Variants in CPA1 observed in about 807,000 individuals in gnomAD.
The protein encoded by CPA1 is carboxypeptidase A1, also known as carboxypeptidase A1 (pancreatic).
A neutral mutation model predicts 48.7 loss-of-function variants in CPA1; 42 were observed. That is an observed-to-expected ratio of 0.86 (90% CI 0.67 to 1.11). CPA1 has a LOEUF of 1.11. Ranked by LOEUF, CPA1 falls within the 50% of genes most tolerant of loss-of-function variation. CPA1 has a pLI of 0.00. For missense variants in CPA1, 477 were observed against 544.7 expected, an observed-to-expected ratio of 0.88 and a Z score of 1.24; for synonymous variants, 203 against 217.9, an observed-to-expected ratio of 0.93 and a Z score of 0.60.
intron 4 of CPA1, among the ~76,000 whole-genome samples, chr7:130,383,005 T>G (rs1375739734): frequency 2.0e-5 from 3 of 151,960 alleles, no homozygotes; most frequent in African/African-American, 7.3e-5. Context: ...GGTCTCAAAC[T>G]CCTGGGCTCA....
chr7:130,388,028 C>G lies in CPA1; in HGVS notation c.*17C>G, dbSNP rs552533046. On this transcript the variant is annotated 3_prime_UTR_variant, in exon 10 of 10. Coordinates refer to ENST00000011292, the MANE Select transcript of CPA1 (RefSeq NM_001868.4). ...CCCTACTGAGCTGACCCTTTGACACCCTTCTTGTCCTCCTCTCTGGCCCCA... is the reference window on the plus strand; with the variant it reads ...CCCTACTGAGCTGACCCTTTGACACGCTTCTTGTCCTCCTCTCTGGCCCCA... The G allele has an allele frequency of 6.2e-7, 1 of 1,612,592 alleles. No homozygotes were observed. The highest frequency in any genetic ancestry group is 1.1e-5 in the South Asian group (1 of 91,010).
At chr7:130,384,330 C>T (rs562662361) in intron 6 of CPA1, 1 of 589,780 alleles carries the variant, frequency 1.7e-6, no homozygotes, top group Non-Finnish European at 3.0e-6. Flanking sequence ...ATCTTCCTCC[C>T]CGACAACCAG....
intron 2 of CPA1, 31 bp from the exon 3 acceptor site, chr7:130,381,599 C>G: frequency 6.3e-7 from 1 of 1,574,950 alleles, no homozygotes; most frequent in Non-Finnish European, 8.7e-7. Context: ...CCCCAGCCCG[C>G]TGTGACCGTG....
In CPA1 at chr7:130,387,783, A is replaced by C. The variant is rs781996113; in HGVS notation, c.1073-41A>C. 1 of 1,584,460 alleles carries C rather than the reference A, an allele frequency of 6.3e-7. No homozygotes were observed. Among genetic ancestry groups the C allele is most frequent in the Admixed American group, 1.7e-5 (1 of 58,722 alleles). Reference sequence around the variant, plus strand: ...AACCCAACCCGTGTAAATATTCCCAAAGTGATTGACCCTTTCTCTCCTATT... The same window carrying C: ...AACCCAACCCGTGTAAATATTCCCACAGTGATTGACCCTTTCTCTCCTATT... On this transcript the variant is annotated intron_variant, in intron 9 of 9. Transcript: ENST00000011292. The surrounding 1 kb of genome is among the most constrained non-coding windows in gnomAD (Gnocchi z 4.6).
In CPA1 at chr7:130,382,205, T is replaced by G. The variant is rs1282393219; in HGVS notation, c.479T>G (p.Leu160Arg). Reference sequence around the variant, plus strand: ...TATGAAGGGCGTCCCATTTACGTGCTGAAGGTAACATCCACATGTGGACAT... The same window carrying G: ...TATGAAGGGCGTCCCATTTACGTGCGGAAGGTAACATCCACATGTGGACAT... Reference protein sequence around the residue: ...NTYEGRPIYVLKFSTGGSKRP... With the variant: ...NTYEGRPIYVRKFSTGGSKRP... Residue 160 changes from leucine to arginine, a missense_variant, in exon 4 of 10, where the codon CTG becomes CGG. By Grantham distance (102) the Leu-to-Arg change is moderately radical (BLOSUM62 -2). Coordinates refer to ENST00000011292, the MANE Select transcript of CPA1 (RefSeq NM_001868.4). 3 of 1,613,092 alleles carry G rather than the reference T, an allele frequency of 1.9e-6. No individual in the cohort carries two copies. The highest frequency in any genetic ancestry group is 2.5e-6 in the Non-Finnish European group (3 of 1,179,170).
chr7:130,385,064 C>T lies in CPA1; in HGVS notation c.788-82C>T. On this transcript the variant is annotated intron_variant, in intron 7 of 9. Coordinates refer to ENST00000011292, the MANE Select transcript of CPA1 (RefSeq NM_001868.4). Reference sequence around the variant, plus strand: ...GTGAGCCCTTCCATACCACCTCACCCCCAACTCCATGCAAAGAACTGGATT... The same window carrying T: ...GTGAGCCCTTCCATACCACCTCACCTCCAACTCCATGCAAAGAACTGGATT... 2.1e-6 allele frequency: 3 copies of T among 1,419,262 alleles called. No homozygotes were observed. The South Asian group carries it at 3.5e-5, about 17-fold the overall frequency. The allele number at this position is 1,419,262 out of a possible 1,614,324, so 87.9% of individuals were successfully genotyped here.
Position 130,383,690 on chromosome 7 carries a change from C to G in CPA1, c.592C>G (p.Gln198Glu), listed in dbSNP as rs1796435985. Residue 198 changes from glutamine (Q) to glutamate (E), a missense_variant, in exon 6 of 10, where the codon CAA becomes GAA. Coordinates refer to ENST00000011292, the MANE Select transcript of CPA1 (RefSeq NM_001868.4). ...SGVWFAKKIT[Q>E]DYGQDAAFTA... ...TGCTCCTCTAACCCCCCAGATCACT[C>G]AAGACTACGGGCAGGATGCAGCTTT... 2 of 1,613,254 alleles carry G rather than the reference C, an allele frequency of 1.2e-6. No homozygotes were observed. Among genetic ancestry groups the G allele is most frequent in the South Asian group, 1.1e-5 (1 of 91,062 alleles).
intron 4 of CPA1, 103 bp from the exon 5 acceptor site, chr7:130,383,288 G>C (rs962503514): frequency 2.9e-5 from 24 of 834,944 alleles, no homozygotes; most frequent in Non-Finnish European, 4.9e-5. Flanking sequence ...GAGATACACA[G>C]AGAGCAGGTG....
chr7:130,387,830 C>G lies in CPA1; in HGVS notation c.1079C>G (p.Ala360Gly). 1 of 1,613,770 alleles carries G rather than the reference C, an allele frequency of 6.2e-7. No homozygotes were observed. The highest frequency in any genetic ancestry group is 1.1e-5 in the South Asian group (1 of 91,048). ...YGSIIKAIYQ[A>G]SGSTIDWTYS... is the part of the protein sequence containing the mutation. ...TATTTTACTCCTGCCCCAGATCAAG[C>G]CAGTGGAAGCACTATTGACTGGACC... is the stretch of plus-strand genomic sequence containing the variant. The change falls in exon 10 of 10, where the codon GCC (alanine) becomes GGC (glycine). Residue 360 changes from alanine to glycine, a missense_variant. Transcript: ENST00000011292. This position sits in a 1 kb window ranked among gnomAD's most constrained non-coding sequence, Gnocchi z 4.6.
intron 7 of CPA1, 49 bp from the exon 8 acceptor site, chr7:130,385,097 C>G (rs782056759): frequency 1.3e-6 from 2 of 1,577,156 alleles, no homozygotes; most frequent in Admixed American, 1.7e-5. Flanking sequence ...ATTCCAGAAG[C>G]CACAGAAGCT....
chr7:130,381,948 C>T (rs1219290253), intron 3 of CPA1, 85 bp downstream of exon 3: 3 of 1,348,604 alleles, frequency 2.2e-6, no homozygotes, highest in East Asian at 2.4e-5. Context: ...AGGCCAGGGC[C>T]AGCCTGGGTG....
In CPA1 at chr7:130,387,047, G is replaced by A. The variant is rs565092660; in HGVS notation, c.1073-777G>A. Among the ~76,000 whole-genome samples the A allele has an allele frequency of 2.6e-5, 4 of 152,332 alleles. No homozygotes were observed. The East Asian group carries it at 7.7e-4, about 29-fold the overall frequency. Reference sequence around the variant, plus strand: ...AAAGGCTCTACAGTGTGGTCTGGCCGGGGATGTTGCTGGAACAACAAGACT... The same window carrying A: ...AAAGGCTCTACAGTGTGGTCTGGCCAGGGATGTTGCTGGAACAACAAGACT... On this transcript the variant is annotated intron_variant, in intron 9 of 9. Transcript: ENST00000011292. The surrounding 1 kb of genome is among the most constrained non-coding windows in gnomAD (Gnocchi z 4.6).
rs1304685754 is a variant in CPA1, at chr7:130,385,259, G to C, written c.901G>C (p.Ala301Pro). The C allele has an allele frequency of 6.2e-7, 1 of 1,614,126 alleles. No individual in the cohort carries two copies. Among genetic ancestry groups the C allele is most frequent in the Non-Finnish European group, 8.5e-7 (1 of 1,180,014 alleles). The stretch of plus-strand genomic sequence containing the variant: ...TGTGAAGGACCATGGGAACATCAAG[G>C]CCTTCATCTCCATCCACAGCTACTC... ...DFVKDHGNIK[A>P]FISIHSYSQL... Residue 301 changes from alanine (A) to proline (P), a missense_variant, in exon 8 of 10, where the codon GCC (alanine) becomes CCC (proline). Ala to Pro is a conservative substitution (Grantham distance 27). Transcript: ENST00000011292.
intron 8 of CPA1, 143 bp downstream of exon 8, chr7:130,385,488 C>A: frequency 1.3e-6 from 1 of 744,152 alleles, no homozygotes; most frequent in Non-Finnish European, 2.2e-6. Flanking sequence ...GGAAGACCAG[C>A]GGGTGGACTA....
intron 5 of CPA1, 22 bp downstream of exon 5, chr7:130,383,514 G>A: frequency 6.3e-7 from 1 of 1,592,856 alleles, no homozygotes; most frequent in Non-Finnish European, 8.6e-7. Flanking sequence ...GAGGTGAGGA[G>A]GGCTCTCACC....
At position 130,381,115 on chromosome 7, in the gene CPA1, T is replaced by C; in HGVS notation, c.83T>C (p.Ile28Thr). The change falls in exon 2 of 10, where the codon ATC (isoleucine) becomes ACC (threonine). Residue 28 changes from isoleucine to threonine, a missense_variant. Physicochemically the swap from Ile to Thr is moderately conservative, Grantham distance 89 (BLOSUM62 -1). Transcript: ENST00000011292. The stretch of plus-strand genomic sequence containing the variant: ...CTGCCCAGGCATCAGGTGCTCCGAA[T>C]CTCTGTAGCCGATGAGGCCCAGGTA... ...EDFVGHQVLR[I>T]SVADEAQVQK... The C allele has an allele frequency of 6.2e-7, 1 of 1,613,496 alleles. No individual in the cohort carries two copies. The highest frequency in any genetic ancestry group is 1.1e-5 in the South Asian group (1 of 90,996).
At chr7:130,386,189 GGA>G (rs1796472476) in intron 9 of CPA1, among the ~76,000 whole-genome samples, 1 of 151,844 alleles carries the variant, frequency 6.6e-6, no homozygotes, top group Admixed American at 6.6e-5. Context: ...TGGATGGGGT[GGA>G]GAGTCCTGCT....
At chr7:130,385,986 C>G in intron 9 of CPA1, 63 bp downstream of exon 9, 2 of 1,428,752 alleles carry the variant, frequency 1.4e-6, no homozygotes, top group African/African-American at 1.4e-5. Flanking sequence ...TCTTCCTGAC[C>G]GAGGGAGTAT....
chr7:130,386,009 G>T (rs1438285181), intron 9 of CPA1, 86 bp downstream of exon 9: 2 of 1,279,826 alleles, frequency 1.6e-6, no homozygotes, highest in East Asian at 4.8e-5. Flanking sequence ...CTCATGGAAG[G>T]AAGTAGCCAA....
Sources: allele counts gnomAD v4.1 joint callset (sites outside exome capture counted in the v4.1 genomes callset), GRCh38; gene constraint gnomAD v4.1.1; non-coding constraint Gnocchi (gnomAD v3.1); transcripts MANE v1.5; gene names NCBI Gene and HGNC (gene_info 2026-07-23, HGNC 2026-07-21).